PLA2G6: variants seen among roughly 807,000 people sequenced by gnomAD.
PLA2G6 encodes phospholipase A2 group VI.
A neutral mutation model predicts 83.8 loss-of-function variants in PLA2G6; 62 were observed. That is an observed-to-expected ratio of 0.74 (90% CI 0.60 to 0.91). PLA2G6 has a LOEUF of 0.91. Among genes scored for constraint, PLA2G6 ranks in the 40% least tolerant of loss-of-function variants. The pLI is 0.00. For synonymous variants in PLA2G6, 417 were observed against 449.8 expected (o/e 0.93, Z 0.92); for missense variants, 944 against 1,102.0 (o/e 0.86, Z 2.03).
rs139335123 is a variant in PLA2G6, at chr22:38,128,889, GCA to G, written c.1187-461_1187-460del. On this transcript the variant is annotated intron_variant, in intron 8 of 16. Transcript: ENST00000332509. The surrounding 1 kb of genome is among the most constrained non-coding windows in gnomAD (Gnocchi z 4.4). ...CATGCAGACACACACGTGTGCACTG[GCA>G]CACACACACTGCTGCCATCAGGTAC... Among the ~76,000 whole-genome samples, 1 of 152,192 alleles carries G rather than the reference GCA, an allele frequency of 6.6e-6. No individual in the cohort carries two copies. The highest frequency in any genetic ancestry group is 1.5e-5 in the Non-Finnish European group (1 of 68,030).
At chr22:38,174,585 G>A (rs1477418126) in intron 1 of PLA2G6, among the ~76,000 whole-genome samples, 1 of 152,168 alleles carries the variant, frequency 6.6e-6, no homozygotes, top group African/African-American at 2.4e-5. Flanking sequence ...CTGAGGGAAG[G>A]ACCCCTAAAG....
chr22:38,175,472 C>T (rs1031818217), intron 1 of PLA2G6, among the ~76,000 whole-genome samples: 9 of 152,174 alleles, frequency 5.9e-5, no homozygotes, highest in Admixed American at 5.9e-4. Flanking sequence ...ACCTCTACTC[C>T]AGCCACGCCG....
In PLA2G6 at chr22:38,123,197, G is replaced by A. The variant is rs587784331; in HGVS notation, c.1489C>T (p.Leu497Phe). ...CCCGAGGCCTTCTCGATGGCGATGA[G>A]GAGCTGGATGATGATGAGGCCTTTC... ...GVKGLIIIQL[L>F]IAIEKASGVA... is the part of the protein sequence containing the mutation. The change falls in exon 11 of 17, where the codon CTC becomes TTC. Residue 497 changes from leucine (L) to phenylalanine (F), a missense_variant. Physicochemically the swap from Leu to Phe is conservative, Grantham distance 22. Coordinates refer to ENST00000332509, the MANE Select transcript of PLA2G6 (RefSeq NM_003560.4). The surrounding 1 kb of genome is among the most constrained non-coding windows in gnomAD (Gnocchi z 4.1). The A allele has an allele frequency of 1.9e-6, 3 of 1,554,064 alleles. No homozygotes were observed. The highest frequency in any genetic ancestry group is 8.7e-7 in the Non-Finnish European group (1 of 1,148,578).
rs2088008686 is a variant in PLA2G6, at chr22:38,128,491, G to A, written c.1187-61C>T. 5.1e-6 allele frequency: 8 copies of A among 1,570,730 alleles called. No homozygotes were observed. The highest frequency in any genetic ancestry group is 7.0e-6 in the Non-Finnish European group (8 of 1,145,194). The stretch of plus-strand genomic sequence containing the variant: ...ATCAGAAATGATGTCAACATGCAAA[G>A]GAGAGGCCCCTCCTTTCCACACTCC... On this transcript the variant is annotated intron_variant, in intron 8 of 16. Coordinates refer to ENST00000332509, the MANE Select transcript of PLA2G6 (RefSeq NM_003560.4). The surrounding 1 kb of genome is among the most constrained non-coding windows in gnomAD (Gnocchi z 4.4).
chr22:38,181,231 G>A (rs942046815), intron 1 of PLA2G6, among the ~76,000 whole-genome samples: 2 of 152,104 alleles, frequency 1.3e-5, no homozygotes, highest in African/African-American at 4.8e-5. Flanking sequence ...AGCATGTCGG[G>A]GGCAGGTCTG....
chr22:38,166,286 G>A (rs958593141), intron 2 of PLA2G6, among the ~76,000 whole-genome samples: 12 of 152,166 alleles, frequency 7.9e-5, no homozygotes, highest in Admixed American at 3.3e-4. Context: ...CTGGAAAGGT[G>A]GATGTGATGG....
intron 1 of PLA2G6, among the ~76,000 whole-genome samples, chr22:38,171,561 G>A (rs572597576): frequency 1.1e-3 from 172 of 152,090 alleles, no homozygotes; most frequent in Non-Finnish European, 2.0e-3. Context: ...GCTCATGCCC[G>A]TAATCCCAGC....
At chr22:38,176,775 C>G (rs908682687) in intron 1 of PLA2G6, among the ~76,000 whole-genome samples, 2 of 152,158 alleles carry the variant, frequency 1.3e-5, no homozygotes, top group Non-Finnish European at 2.9e-5. Context: ...CGGTGGCTCA[C>G]ACCTGTAATC....
At chr22:38,134,965 C>T in intron 6 of PLA2G6, 23 bp downstream of exon 6, 1 of 1,295,590 alleles carries the variant, frequency 7.7e-7, no homozygotes, top group Non-Finnish European at 1.1e-6. Flanking sequence ...CTGCCCCACC[C>T]ACCCACCTCA....
chr22:38,118,387 G>A (rs1408025124), intron 12 of PLA2G6, among the ~76,000 whole-genome samples: 1 of 152,218 alleles, frequency 6.6e-6, no homozygotes, highest in Non-Finnish European at 1.5e-5. Flanking sequence ...AAGCTAACTA[G>A]GTTCACTTGG....
At chr22:38,138,564 T>A (rs1485662549) in intron 5 of PLA2G6, 1 of 152,360 alleles carries the variant, frequency 6.6e-6, no homozygotes, top group Non-Finnish European at 1.5e-5. Flanking sequence ...GGGTGTCTCC[T>A]GTCCTGGAGT....
At chr22:38,129,075 C>G (rs780640369) in intron 8 of PLA2G6, among the ~76,000 whole-genome samples, 1 of 152,238 alleles carries the variant, frequency 6.6e-6, no homozygotes, top group Admixed American at 6.5e-5. Flanking sequence ...GCCCAGAGCT[C>G]GTGCAGTGTA....
In PLA2G6 at chr22:38,132,312, C is replaced by G. The variant is rs1480154489; in HGVS notation, c.1077+519G>C. On this transcript the variant is annotated intron_variant, in intron 7 of 16. Transcript: ENST00000332509. This position sits in a 1 kb window ranked among gnomAD's most constrained non-coding sequence, Gnocchi z 5.0. ...GGGCTGCACACTCAGGCTTTGCCTG[C>G]CAGGATCTTACAGCCTCCCAGGGAA... 1 of 328,138 alleles carries G rather than the reference C, an allele frequency of 3.0e-6. No individual in the cohort carries two copies. The highest frequency in any genetic ancestry group is 6.0e-6 in the Non-Finnish European group (1 of 167,662). The allele number at this position is 328,138 out of a possible 1,614,324, so 20.3% of individuals were successfully genotyped here.
chr22:38,148,470 C>T (rs1262810053), intron 2 of PLA2G6: 1 of 715,976 alleles, frequency 1.4e-6, no homozygotes, highest in South Asian at 1.5e-5. Context: ...CACTGGATAC[C>T]TCAAAAGACA....
intron 5 of PLA2G6, 166 bp from the exon 6 acceptor site, chr22:38,135,250 C>T: frequency 1.6e-6 from 1 of 625,510 alleles, no homozygotes. Context: ...GTACTGAGCC[C>T]CTCAAGGCAC....
rs777259654 is a variant in PLA2G6, at chr22:38,120,835, C to A, written c.1666G>T (p.Glu556Ter). Reference protein sequence around the residue: ...DEVFRGSRPYESGPLEEFLKR... With the variant: ...DEVFRGSRPY ...AGGAACTCCTCCAGGGGCCCCGACT[C>A]GTAGGGCCTGGAGCCCCGGAACACC... Residue 556 changes from glutamate (E) to a stop codon, truncating the protein, a stop_gained, in exon 12 of 17, where the codon GAG becomes TAG. Transcript: ENST00000332509. LOFTEE classifies it high-confidence loss of function. 1.2e-6 allele frequency: 2 copies of A among 1,613,932 alleles called. No individual in the cohort carries two copies. Among genetic ancestry groups the A allele is most frequent in the East Asian group, 2.2e-5 (1 of 44,892 alleles).
intron 12 of PLA2G6, among the ~76,000 whole-genome samples, chr22:38,118,855 G>A (rs936532797): frequency 6.6e-6 from 1 of 151,638 alleles, no homozygotes; most frequent in Non-Finnish European, 1.5e-5. Context: ...CGGGGCTCAA[G>A]TGATCCTCCC....
At chr22:38,165,827 C>T (rs560831833) in intron 2 of PLA2G6, among the ~76,000 whole-genome samples, 3 of 152,226 alleles carry the variant, frequency 2.0e-5, no homozygotes, top group Admixed American at 1.3e-4. Flanking sequence ...TTGCAGTGAG[C>T]TGACATTGTG....
At chr22:38,113,116 A>T (rs1483176981) in intron 15 of PLA2G6, among the ~76,000 whole-genome samples, 1 of 152,140 alleles carries the variant, frequency 6.6e-6, no homozygotes, top group Non-Finnish European at 1.5e-5. Context: ...TATATTGCTC[A>T]GGCTGGTCTC....
Sources: allele counts gnomAD v4.1 joint callset (sites outside exome capture counted in the v4.1 genomes callset), GRCh38; gene constraint gnomAD v4.1.1; non-coding constraint Gnocchi (gnomAD v3.1); transcripts MANE v1.5; gene names NCBI Gene and HGNC (gene_info 2026-07-23, HGNC 2026-07-21).